Variants in PNPLA7 observed in about 807,000 individuals in gnomAD.
The protein encoded by PNPLA7 is patatin like domain 7, lysophospholipase.
A neutral mutation model predicts 161.7 loss-of-function variants in PNPLA7; 153 were observed. The observed-to-expected ratio is 0.95, with a 90% CI of 0.83 to 1.08. The LOEUF (loss-of-function observed/expected upper bound fraction) is 1.08. Ranked by LOEUF, PNPLA7 falls within the 50% of genes least tolerant of loss-of-function variation. The pLI is 0.00. For synonymous variants in PNPLA7, 809 were observed against 782.1 expected, an observed-to-expected ratio of 1.03 and a Z score of -0.57; for missense variants, 1,739 against 1,856.6, an observed-to-expected ratio of 0.94 and a Z score of 1.16.
chr9:137,505,602 G>C lies in PNPLA7; in HGVS notation c.1473+12C>G. The C allele has an allele frequency of 4.3e-6, 7 of 1,613,334 alleles. No homozygotes were observed. The highest frequency in any genetic ancestry group is 5.9e-6 in the Non-Finnish European group (7 of 1,179,582). On this transcript the variant is annotated intron_variant, in intron 14 of 34. Coordinates refer to ENST00000406427, the MANE Select transcript of PNPLA7 (RefSeq NM_001098537.3). ...GTGGGACAAGGGCCAGGTGCCCGCC[G>C]GGGCCACTCACTTCCAGCTTCATCA...
Position 137,544,444 on chromosome 9 carries a change from C to T in PNPLA7, c.274-629G>A, listed in dbSNP as rs375390511. On this transcript the variant is annotated intron_variant, in intron 4 of 34. Coordinates refer to ENST00000406427, the MANE Select transcript of PNPLA7 (RefSeq NM_001098537.3). ...CTCTGTGGGGCCACTGGATGATGGC[C>T]GACACTCAACAGACCGCCTCCACTC... Among the ~76,000 whole-genome samples, 91 of 152,250 alleles carry T rather than the reference C, an allele frequency of 6.0e-4. No individual in the cohort carries two copies. In the East Asian group the frequency reaches 0.013, roughly 21 times the overall value.
chr9:137,536,010 G>A lies in PNPLA7; in HGVS notation c.747+4632C>T, dbSNP rs192650542. 8.4e-4 allele frequency among the ~76,000 whole-genome samples: 128 copies of A among 151,688 alleles called. 1 individual carries two copies. Among genetic ancestry groups the A allele is most frequent in the African/African-American group, 2.8e-3 (115 of 41,340 alleles). On this transcript the variant is annotated intron_variant, in intron 8 of 34. Coordinates refer to ENST00000406427, the MANE Select transcript of PNPLA7 (RefSeq NM_001098537.3). ...TACTAAAAAATACAAAAAATTAGCC[G>A]GGCGTGGCAGTGGGCGCCTGTAGTC... is the stretch of plus-strand genomic sequence containing the variant.
At chr9:137,528,990 G>A (rs1458840889) in intron 8 of PNPLA7, among the ~76,000 whole-genome samples, 6 of 151,642 alleles carry the variant, frequency 4.0e-5, no homozygotes, top group African/African-American at 9.7e-5. Context: ...GTGAGCCACC[G>A]CGCCCGGCCT....
intron 14 of PNPLA7, among the ~76,000 whole-genome samples, chr9:137,503,569 A>G (rs1242662905): frequency 1.6e-5 from 2 of 125,578 alleles, no homozygotes; most frequent in East Asian, 4.8e-4. Context: ...AAGGAGGAGG[A>G]AGGAGAAGGA....
At chr9:137,501,046 T>TC in intron 15 of PNPLA7, 150 bp from the exon 16 acceptor site, 1 of 651,908 alleles carries the variant, frequency 1.5e-6, no homozygotes, top group Non-Finnish European at 2.5e-6. Context: ...ACTGGAAACA[T>TC]TTCGGCAGCG....
intron 12 of PNPLA7, among the ~76,000 whole-genome samples, chr9:137,511,342 T>A (rs1172464252): frequency 1.3e-5 from 2 of 151,238 alleles, no homozygotes; most frequent in African/African-American, 4.9e-5. Context: ...CGCCAGTGCC[T>A]GGGAAGGCAC....
At position 137,461,584 on chromosome 9, in the gene PNPLA7, C is replaced by A; in HGVS notation, c.3793G>T (p.Ala1265Ser). 1 of 1,612,786 alleles carries A rather than the reference C, an allele frequency of 6.2e-7. No homozygotes were observed. Among genetic ancestry groups the A allele is most frequent in the African/African-American group, 1.3e-5 (1 of 75,020 alleles). The change falls in exon 33 of 35, where the codon GCC (alanine) becomes TCC (serine). Residue 1265 changes from alanine to serine, a missense_variant. Physicochemically the swap from Ala to Ser is moderately conservative, Grantham distance 99. Transcript: ENST00000406427. ...TCPNASFTDL[A>S]EIVSRIEPAK... is the part of the protein sequence containing the mutation. ...GGCTCAATGCGAGACACAATTTCGG[C>A]AAGGTCCGTGAAGGAGGCGTTGGGA...
rs1025205357 is a variant in PNPLA7 at position 137,524,834 on chromosome 9, G to A, written c.748-1977C>T. ...TGGAATGAGTTTCCGTGGATGCCCC[G>A]TGGAATGAGTTTCCTTGGATGCCCC... On this transcript the variant is annotated intron_variant, in intron 8 of 34. Coordinates refer to ENST00000406427, the MANE Select transcript of PNPLA7 (RefSeq NM_001098537.3). The surrounding 1 kb of genome is among the most constrained non-coding windows in gnomAD (Gnocchi z 4.4). Among the ~76,000 whole-genome samples the A allele has an allele frequency of 2.0e-5, 3 of 148,350 alleles. No individual in the cohort carries two copies. Among genetic ancestry groups the A allele is most frequent in the Non-Finnish European group, 2.9e-5 (2 of 67,918 alleles).
In PNPLA7 at chr9:137,460,204, C is replaced by T; in HGVS notation, c.*189G>A. The T allele has an allele frequency of 1.8e-6, 1 of 564,536 alleles. No homozygotes were observed. Among genetic ancestry groups the T allele is most frequent in the Non-Finnish European group, 3.1e-6 (1 of 317,636 alleles). The allele number at this position is 564,536 out of a possible 1,614,324, so 35.0% of individuals were successfully genotyped here. A position where few individuals can be genotyped will look rare whatever the true frequency, so the allele number is the denominator to read the frequency against. ...GGCCTCACAGGACTGCAGGGGGGCT[C>T]ACAGGGCCCTGTATGCAGGGCTGCT... On this transcript the variant is annotated 3_prime_UTR_variant, in exon 35 of 35. Transcript: ENST00000406427.
In PNPLA7 at chr9:137,498,264, TCAATCCTGCCCCATCCCTC is replaced by T. The variant is rs1833176492; in HGVS notation, c.1758-38_1758-20del. ...CATGATTCTGCCGGGCAGCCCAGAG[TCAATCCTGCCCCATCCCTC>T]CAACCCTACCCTTCGCCCAGGGCCG... is the stretch of plus-strand genomic sequence containing the variant. On this transcript the variant is annotated intron_variant, in intron 16 of 34. Coordinates refer to ENST00000406427, the MANE Select transcript of PNPLA7 (RefSeq NM_001098537.3). 6.2e-7 allele frequency: 1 copy of T among 1,607,518 alleles called. No individual in the cohort carries two copies. Among genetic ancestry groups the T allele is most frequent in the African/African-American group, 1.3e-5 (1 of 74,880 alleles).
At position 137,461,334 on chromosome 9, in the gene PNPLA7, G is replaced by A. The variant is rs752721739; in HGVS notation, c.3841+202C>T. On this transcript the variant is annotated intron_variant, in intron 33 of 34. Transcript: ENST00000406427. ...ATGAAGGGCAGGGGCTGGGTGACCC[G>A]GGGTGGTCACAGTCCCACTGCTGTG... The A allele has an allele frequency of 2.6e-4, 141 of 535,032 alleles. 1 individual carries two copies. Among genetic ancestry groups the A allele is most frequent in the Non-Finnish European group, 3.5e-4 (105 of 303,138 alleles). The allele number at this position is 535,032 out of a possible 1,614,324, so 33.1% of individuals were successfully genotyped here.
chr9:137,485,606 T>A (rs1367765583), intron 20 of PNPLA7, among the ~76,000 whole-genome samples: 2 of 152,238 alleles, frequency 1.3e-5, no homozygotes, highest in East Asian at 3.8e-4. Flanking sequence ...GGGCTAGACA[T>A]CAATAGGCCC....
chr9:137,515,120 C>T (rs546548551), intron 12 of PNPLA7, among the ~76,000 whole-genome samples: 8 of 152,216 alleles, frequency 5.3e-5, no homozygotes, highest in South Asian at 2.1e-4. Context: ...CTGGTGGCAC[C>T]GGCCCAGCCC....
intron 23 of PNPLA7, chr9:137,479,596 G>A (rs1407990091): frequency 2.0e-6 from 2 of 985,368 alleles, no homozygotes; most frequent in Non-Finnish European, 2.4e-6. Context: ...ATACATCAGA[G>A]AGGAGGAATT....
intron 25 of PNPLA7, among the ~76,000 whole-genome samples, chr9:137,471,695 T>C (rs1384908666): frequency 1.3e-5 from 2 of 151,902 alleles, no homozygotes; most frequent in African/African-American, 4.8e-5. Context: ...ACCTCTACAC[T>C]GAAGACCGCA....
chr9:137,498,078 GCATGGATGCGGAGT>G, intron 17 of PNPLA7, 22 bp downstream of exon 17: 3 of 1,598,030 alleles, frequency 1.9e-6, no homozygotes, highest in Non-Finnish European at 2.6e-6. Flanking sequence ...TGCCAGGGCA[GCATGGATGCGGAGT>G]GTGTGGCACC....
Position 137,536,631 on chromosome 9 carries a change from G to C in PNPLA7, c.747+4011C>G, listed in dbSNP as rs1476484681. 2.0e-5 allele frequency among the ~76,000 whole-genome samples: 3 copies of C among 152,152 alleles called. No homozygotes were observed. In the East Asian group the frequency reaches 5.8e-4, roughly 29 times the overall value. On this transcript the variant is annotated intron_variant, in intron 8 of 34. Coordinates refer to ENST00000406427, the MANE Select transcript of PNPLA7 (RefSeq NM_001098537.3). ...AAGAAAAAGAGAAAGTTGCAAGAAA[G>C]GAAATTTAACTATAGTACACTACAT...
intron 14 of PNPLA7, 40 bp from the exon 15 acceptor site, chr9:137,501,767 C>T: frequency 1.3e-6 from 2 of 1,594,066 alleles, no homozygotes; most frequent in South Asian, 1.1e-5. Flanking sequence ...GGGCGGGAAG[C>T]ATAAATGAAG....
At position 137,464,393 on chromosome 9, in the gene PNPLA7, C is replaced by A. The variant is rs202021065; in HGVS notation, c.3103G>T (p.Gly1035Ter). 8.1e-6 allele frequency: 13 copies of A among 1,613,860 alleles called. No individual in the cohort carries two copies. Among genetic ancestry groups the A allele is most frequent in the Non-Finnish European group, 1.1e-5 (13 of 1,180,010 alleles). ...AAGATGCTGCTGTTGAAGCCGGCTC[C>A]GGAGAACATGGACGTGATGGGGTAG... ...LTYPITSMFS[G>*]AGFNSSIFSV... is the part of the protein sequence containing the mutation. Residue 1035 changes from glycine to a stop codon, truncating the protein, a stop_gained, in exon 27 of 35, where the codon GGA (glycine) becomes TGA (stop). Transcript: ENST00000406427. LOFTEE classifies it high-confidence loss of function.
Sources: gnomAD v4.1 joint callset for allele counts (sites outside exome capture counted in the v4.1 genomes callset) on GRCh38, gnomAD v4.1.1 for gene constraint, Gnocchi (gnomAD v3.1) non-coding constraint, MANE v1.5 for transcripts, NCBI Gene and HGNC (gene_info 2026-07-23, HGNC 2026-07-21) for gene names.